Variants in PDXDC1 observed in about 807,000 individuals in gnomAD.
PDXDC1 encodes pyridoxal-dependent decarboxylase domain-containing protein 1.
In PDXDC1, 42 loss-of-function variants were observed where a neutral mutation model predicts 100.1. The ratio of observed to expected loss-of-function variants is 0.42; its 90% CI spans 0.33 to 0.54. The LOEUF (loss-of-function observed/expected upper bound fraction) is 0.54. PDXDC1 is among the 20% of genes least tolerant of loss of function. PDXDC1 has a pLI of 0.10. For synonymous variants in PDXDC1, 260 were observed against 371.7 expected, an observed-to-expected ratio of 0.70 and a Z score of 3.46; for missense variants, 636 against 979.2, an observed-to-expected ratio of 0.65 and a Z score of 4.68.
At chr16:15,050,752 T>G (rs2044262361) in intron 16 of PDXDC1, among the ~76,000 whole-genome samples, 2 of 152,070 alleles carry the variant, frequency 1.3e-5, no homozygotes, top group South Asian at 4.1e-4. Flanking sequence ...AAATTAAGAT[T>G]AAACTAAAAG....
intron 12 of PDXDC1, among the ~76,000 whole-genome samples, chr16:15,021,459 T>G (rs1384012767): frequency 6.6e-6 from 1 of 152,290 alleles, no homozygotes; most frequent in Non-Finnish European, 1.5e-5. Flanking sequence ...AGTGTCTCAC[T>G]GTGCTATTAG....
At chr16:15,056,023 G>A (rs1389504708) in intron 16 of PDXDC1, 2 of 932,420 alleles carry the variant, frequency 2.1e-6, no homozygotes, top group Non-Finnish European at 2.7e-6. Context: ...CCCCCGCTTT[G>A]CAGCCCCGGG....
intron 16 of PDXDC1, among the ~76,000 whole-genome samples, chr16:15,073,791 CT>C (rs577891075): frequency 1.0e-4 from 15 of 148,652 alleles, no homozygotes; most frequent in East Asian, 5.9e-4. Context: ...ATTATTACGA[CT>C]TTTTTTTTTA....
intron 1 of PDXDC1, among the ~76,000 whole-genome samples, chr16:14,981,018 G>A: frequency 6.6e-6 from 1 of 152,288 alleles, no homozygotes; most frequent in Non-Finnish European, 1.5e-5. Context: ...TCTGGTAAGG[G>A]AGTATACTTT....
chr16:15,062,234 T>C (rs947264436), intron 16 of PDXDC1, among the ~76,000 whole-genome samples: 1 of 152,188 alleles, frequency 6.6e-6, no homozygotes, highest in Admixed American at 6.5e-5. Context: ...TCACACATTG[T>C]AATCATTTGT....
intron 15 of PDXDC1, 84 bp downstream of exon 15, chr16:15,029,050 G>T (rs1455330544): frequency 1.4e-6 from 2 of 1,470,148 alleles, no homozygotes; most frequent in Admixed American, 1.9e-5. Flanking sequence ...GCGTGCTCGT[G>T]TATGGGAACT....
intron 9 of PDXDC1, among the ~76,000 whole-genome samples, 158 bp from the exon 10 acceptor site, chr16:15,016,962 T>G (rs1222030058): frequency 1.3e-5 from 2 of 152,300 alleles, no homozygotes; most frequent in Non-Finnish European, 2.9e-5. Flanking sequence ...TTCCTTCATA[T>G]GTATAAAGCA....
At chr16:15,054,729 C>A (rs1298873583) in intron 16 of PDXDC1, among the ~76,000 whole-genome samples, 1 of 152,138 alleles carries the variant, frequency 6.6e-6, no homozygotes, top group Non-Finnish European at 1.5e-5. Flanking sequence ...CTTTACTGAG[C>A]GCCAATTCTA....
chr16:15,049,948 C>A, intron 16 of PDXDC1, among the ~76,000 whole-genome samples: 1 of 152,160 alleles, frequency 6.6e-6, no homozygotes, highest in Non-Finnish European at 1.5e-5. Context: ...AATGCTTATA[C>A]CCATAGAGAA....
At chr16:14,974,854 A>G (rs1229637748), upstream of PDXDC1, 6 of 1,535,642 alleles carry the variant, frequency 3.9e-6, no homozygotes, top group South Asian at 5.9e-5. Context: ...GTACTTTGTG[A>G]TTATTATACT....
At chr16:15,098,436 G>T (rs2046432445) in intron 16 of PDXDC1, among the ~76,000 whole-genome samples, 1 of 151,744 alleles carries the variant, frequency 6.6e-6, no homozygotes, top group Non-Finnish European at 1.5e-5. Context: ...CCTGACCTCA[G>T]GTGATCTGCC....
At chr16:14,984,497 T>TA (rs1221650484) in intron 1 of PDXDC1, among the ~76,000 whole-genome samples, 544 of 36,280 alleles carry the variant, frequency 0.015, 1 homozygote, top group Middle Eastern at 0.033. Context: ...ATATATATAT[T>TA]TTTTTTTTTT....
intron 1 of PDXDC1, among the ~76,000 whole-genome samples, chr16:14,994,829 G>A (rs1469444846): frequency 6.7e-6 from 1 of 149,242 alleles, no homozygotes; most frequent in African/African-American, 2.4e-5. Context: ...GCAGTGGTTT[G>A]TAGTTTTCCT....
Position 15,034,373 on chromosome 16 carries a change from G to C in PDXDC1, c.1900G>C (p.Glu634Gln), listed in dbSNP as rs750053796. The change falls in exon 20 of 23, where the codon GAA becomes CAA. Residue 634 changes from glutamate to glutamine, a missense_variant. By Grantham distance (29) the Glu-to-Gln change is conservative. This residue lies in a region of PDXDC1 where 452 missense variants were observed against 402.9 expected (regional missense o/e 1.12). Transcript: ENST00000396410. ...LQKASEERLL[E>Q]EGVLRQIPVV... ...GAAGGCAAGTGAAGAACGGCTTCTG[G>C]AAGAGGTGAGGCCCCCGATGGGCAG... 1.2e-6 allele frequency: 2 copies of C among 1,613,560 alleles called. No individual in the cohort carries two copies. Among genetic ancestry groups the C allele is most frequent in the Admixed American group, 3.3e-5 (2 of 60,028 alleles).
intron 1 of PDXDC1, among the ~76,000 whole-genome samples, chr16:14,979,472 T>C (rs1299379831): frequency 3.3e-5 from 5 of 152,288 alleles, no homozygotes; most frequent in Non-Finnish European, 1.5e-5. Context: ...GTATTTTTAG[T>C]AGGGATGGGA....
In PDXDC1 at chr16:15,007,159, T is replaced by TC. The variant is rs1277397605; in HGVS notation, c.579+576_579+577insC. On this transcript the variant is annotated intron_variant, in intron 6 of 22. Coordinates refer to ENST00000396410, the MANE Select transcript of PDXDC1 (RefSeq NM_015027.4). ...AATTGCTGGATCAAAGAGCATGACTTTTTTTTTTTTTTTTTTTTTTTTTTT... is the reference window on the plus strand; with the variant it reads ...AATTGCTGGATCAAAGAGCATGACTTCTTTTTTTTTTTTTTTTTTTTTTTTT... Among the ~76,000 whole-genome samples, 4 of 18,094 alleles carry TC rather than the reference T, an allele frequency of 2.2e-4. No homozygotes were observed. In the East Asian group the frequency reaches 3.5e-3, roughly 16 times the overall value. 11.9% of individuals were successfully genotyped at this position (18,094 alleles called of 152,430 possible). A position where few individuals can be genotyped will look rare whatever the true frequency, so the allele number is the denominator to read the frequency against.
Position 15,063,636 on chromosome 16 carries a change from C to T in PDXDC1, c.1399+33580C>T, listed in dbSNP as rs139864903. Among the ~76,000 whole-genome samples the T allele has an allele frequency of 3.2e-3, 450 of 138,892 alleles. 1 individual carries two copies. Among genetic ancestry groups the T allele is most frequent in the African/African-American group, 0.01 (396 of 37,944 alleles). The allele number at this position is 138,892 out of a possible 152,430, so 91.1% of individuals were successfully genotyped here. A position where few individuals can be genotyped will look rare whatever the true frequency, so the allele number is the denominator to read the frequency against. On this transcript the variant is annotated intron_variant, in intron 16 of 16. Coordinates refer to the PDXDC1 transcript ENST00000535621. ...GGCAGAATGGCCTGAACCTGGGAGA[C>T]GGAGCTTGCAGCGAGCCGAGATCGC...
At chr16:15,145,471 C>G in the PDXDC1 span, among the ~76,000 whole-genome samples, 1 of 152,282 alleles carries the variant, frequency 6.6e-6, no homozygotes, top group African/African-American at 2.4e-5. Context: ...CTGGCTTCCG[C>G]CTCTGCCTGG....
chr16:15,011,844 A>T (rs2041324482), intron 8 of PDXDC1, among the ~76,000 whole-genome samples: 1 of 152,118 alleles, frequency 6.6e-6, no homozygotes, highest in South Asian at 2.1e-4. Context: ...TTGTATTTTT[A>T]GTAGAGACGA....
Sources: allele counts gnomAD v4.1 joint callset (sites outside exome capture counted in the v4.1 genomes callset), GRCh38; gene constraint gnomAD v4.1.1; regional missense constraint gnomAD v4.1.1; transcripts MANE v1.5; gene names NCBI Gene and HGNC (gene_info 2026-07-23, HGNC 2026-07-21).